KMT5B: variants seen among roughly 807,000 people sequenced by gnomAD.
The protein encoded by KMT5B is histone-lysine N-methyltransferase KMT5B.
KMT5B carries 10 observed loss-of-function variants against 83.2 expected under a neutral mutation model. The ratio of observed to expected loss-of-function variants is 0.12; its 90% CI spans 0.07 to 0.20. The LOEUF (loss-of-function observed/expected upper bound fraction) is 0.20, where lower values mean the gene tolerates loss of function less well. Ranked by LOEUF, KMT5B falls within the 10% of genes least tolerant of loss-of-function variation. KMT5B has a pLI of 1.00. For synonymous variants in KMT5B, 349 were observed against 388.8 expected, an observed-to-expected ratio of 0.90 and a Z score of 1.20; for missense variants, 753 against 1,067.2, an observed-to-expected ratio of 0.71 and a Z score of 4.10.
At chr11:68,162,831 C>T (rs1854979794) in intron 10 of KMT5B, among the ~76,000 whole-genome samples, 1 of 152,136 alleles carries the variant, frequency 6.6e-6, no homozygotes, top group South Asian at 2.1e-4. Flanking sequence ...TCATCAAAAG[C>T]CCTGTCAAAA....
chr11:68,165,419 G>A (rs1240849705), intron 10 of KMT5B, among the ~76,000 whole-genome samples: 1 of 152,080 alleles, frequency 6.6e-6, no homozygotes, highest in African/African-American at 2.4e-5. Context: ...CAGGAGAATC[G>A]CTTGAACTTG....
chr11:68,211,623 C>G lies in KMT5B; in HGVS notation c.-77+1515G>C, dbSNP rs544709085. Among the ~76,000 whole-genome samples the G allele has an allele frequency of 8.5e-5, 13 of 152,304 alleles. No homozygotes were observed. The South Asian group carries it at 2.5e-3, about 29-fold the overall frequency. The stretch of plus-strand genomic sequence containing the variant: ...CGTGGGCGGACGAGATAACAAGAGA[C>G]TCAAAAACTCACGAGTAACCACCCC... On this transcript the variant is annotated intron_variant, in intron 1 of 10. Transcript: ENST00000304363.
intron 1 of KMT5B, among the ~76,000 whole-genome samples, chr11:68,193,011 C>A (rs1471320519): frequency 6.6e-6 from 1 of 152,170 alleles, no homozygotes; most frequent in Non-Finnish European, 1.5e-5. Flanking sequence ...GGATATTATA[C>A]ATCACACTCA....
intron 10 of KMT5B, among the ~76,000 whole-genome samples, chr11:68,162,387 T>C (rs1854943734): frequency 6.6e-6 from 1 of 152,192 alleles, no homozygotes; most frequent in Admixed American, 6.5e-5. Context: ...CTCCCCTCTG[T>C]CTATAGAGCT....
Position 68,158,578 on chromosome 11 carries a change from GTTC to G in KMT5B, c.1765_1767del (p.Glu589del). ...CCTTTTTGTGCAGTCTCATGAGCCAGTTCTTCCTCCTGCAGCACAGGAGCTGGC... is the reference window on the plus strand; with the variant it reads ...CCTTTTTGTGCAGTCTCATGAGCCAGTTCCTCCTGCAGCACAGGAGCTGGC... On this transcript the variant is annotated inframe_deletion, in exon 11 of 11. Coordinates refer to ENST00000304363, the MANE Select transcript of KMT5B (RefSeq NM_017635.5). 1 of 1,614,190 alleles carries G rather than the reference GTTC, an allele frequency of 6.2e-7. No individual in the cohort carries two copies. Among genetic ancestry groups the G allele is most frequent in the Non-Finnish European group, 8.5e-7 (1 of 1,180,036 alleles).
chr11:68,213,070 C>G (rs1472366852), intron 1 of KMT5B, 68 bp downstream of exon 1: 2 of 137,316 alleles, frequency 1.5e-5, no homozygotes, highest in African/African-American at 5.3e-5. Context: ...CCCCACGTCC[C>G]TGCCCGCCCC....
intron 2 of KMT5B, among the ~76,000 whole-genome samples, chr11:68,186,838 C>G (rs1205773354): frequency 2.6e-5 from 4 of 152,184 alleles, no homozygotes; most frequent in African/African-American, 7.2e-5. Flanking sequence ...TCCACTCTTT[C>G]ACAGAACAAA....
intron 2 of KMT5B, among the ~76,000 whole-genome samples, chr11:68,188,875 C>T (rs372141412): frequency 6.6e-6 from 1 of 152,172 alleles, no homozygotes; most frequent in Non-Finnish European, 1.5e-5. Flanking sequence ...AGGGTACATG[C>T]TGCCAGCAGC....
intron 10 of KMT5B, chr11:68,166,719 C>T (rs1855352297): frequency 2.3e-6 from 3 of 1,312,900 alleles, no homozygotes; most frequent in Admixed American, 3.3e-5. Context: ...CATATGATGA[C>T]CTTGGAACAT....
upstream of KMT5B, chr11:68,213,560 C>A (rs865777438): frequency 1.3e-5 from 2 of 152,158 alleles, no homozygotes; most frequent in South Asian, 1.8e-4. Context: ...CGCGCGGTGC[C>A]GCCTCCGGTT....
chr11:68,201,196 A>G (rs1326575318), intron 1 of KMT5B, among the ~76,000 whole-genome samples: 1 of 152,252 alleles, frequency 6.6e-6, no homozygotes, highest in Non-Finnish European at 1.5e-5. Context: ...CACCAGCACC[A>G]CCACAATGCA....
chr11:68,167,279 G>A, intron 9 of KMT5B, 101 bp from the exon 10 acceptor site: 2 of 1,416,380 alleles, frequency 1.4e-6, no homozygotes. Flanking sequence ...GATGTGATGA[G>A]CTGCTGAGGC....
chr11:68,165,979 C>G (rs1304134031), intron 10 of KMT5B: 4 of 1,612,590 alleles, frequency 2.5e-6, no homozygotes, highest in Non-Finnish European at 3.4e-6. Flanking sequence ...CAGTGTTGGG[C>G]TGAAAACATC....
intron 1 of KMT5B, among the ~76,000 whole-genome samples, chr11:68,211,453 G>A (rs1350977572): frequency 6.6e-6 from 1 of 152,164 alleles, no homozygotes; most frequent in African/African-American, 2.4e-5. Context: ...CTCCAGCTCA[G>A]TTTTTAAAAT....
In KMT5B at chr11:68,171,839, A is replaced by G. The variant is rs1289896439; in HGVS notation, c.654-130T>C. The G allele has an allele frequency of 1.4e-6, 1 of 727,778 alleles. No homozygotes were observed. The highest frequency in any genetic ancestry group is 1.8e-5 in the African/African-American group (1 of 55,694). 45.1% of individuals were successfully genotyped at this position (727,778 alleles called of 1,614,324 possible). ...TAGCTGTCTATACTTTAGTTAGCTCACTGGGATCCCCACCTGGCTATCTTC... is the reference window on the plus strand; with the variant it reads ...TAGCTGTCTATACTTTAGTTAGCTCGCTGGGATCCCCACCTGGCTATCTTC... On this transcript the variant is annotated intron_variant, in intron 6 of 10. Transcript: ENST00000304363. This position sits in a 1 kb window ranked among gnomAD's most constrained non-coding sequence, Gnocchi z 5.1.
chr11:68,164,489 A>C (rs528317299), intron 10 of KMT5B, among the ~76,000 whole-genome samples: 1 of 152,336 alleles, frequency 6.6e-6, no homozygotes, highest in African/African-American at 2.4e-5. Flanking sequence ...ACAAACACCA[A>C]AAGAAATACA....
At chr11:68,213,616 C>G (rs950667911), upstream of KMT5B, 7 of 153,908 alleles carry the variant, frequency 4.5e-5, no homozygotes, top group African/African-American at 1.7e-4. Context: ...CCGCCCGCAC[C>G]GCCGCCGCGT....
At chr11:68,204,229 T>C (rs1165338375) in intron 1 of KMT5B, among the ~76,000 whole-genome samples, 1 of 152,158 alleles carries the variant, frequency 6.6e-6, no homozygotes, top group Non-Finnish European at 1.5e-5. Flanking sequence ...AAGCAGACTG[T>C]AGTATGGTGG....
rs964022945 is a variant in KMT5B at position 68,155,799 on chromosome 11, G to A, written c.*1889C>T. The A allele has an allele frequency of 1.3e-5, 2 of 152,266 alleles. No homozygotes were observed. Among genetic ancestry groups the A allele is most frequent in the African/African-American group, 2.4e-5 (1 of 41,450 alleles). The allele number at this position is 152,266 out of a possible 1,614,324, so 9.4% of individuals were successfully genotyped here. On this transcript the variant is annotated 3_prime_UTR_variant, in exon 11 of 11. Coordinates refer to ENST00000304363, the MANE Select transcript of KMT5B (RefSeq NM_017635.5). The stretch of plus-strand genomic sequence containing the variant: ...CCTACTTCACTGTTGAAGACCTCCA[G>A]ACGCAGTGAACGGGGGTATGGGTGG...
Sources: allele counts gnomAD v4.1 joint callset (sites outside exome capture counted in the v4.1 genomes callset), GRCh38; gene constraint gnomAD v4.1.1; non-coding constraint Gnocchi (gnomAD v3.1); transcripts MANE v1.5; gene names NCBI Gene and HGNC (gene_info 2026-07-23, HGNC 2026-07-21).